Variants in ZSCAN30 observed in about 807,000 individuals in gnomAD.
The protein encoded by ZSCAN30 is zinc finger and SCAN domain-containing protein 30.
In ZSCAN30, 37 loss-of-function variants were observed where a neutral mutation model predicts 44.3. The ratio of observed to expected loss-of-function variants is 0.84; its 90% CI spans 0.64 to 1.10. The LOEUF (loss-of-function observed/expected upper bound fraction) is 1.10, where lower values mean the gene tolerates loss of function less well. Among genes scored for constraint, ZSCAN30 ranks in the 50% least tolerant of loss-of-function variants. The pLI is 0.00. For missense variants in ZSCAN30, 549 were observed against 582.6 expected (o/e 0.94, Z 0.59); for synonymous variants, 181 against 204.6 (o/e 0.88, Z 0.98).
At position 35,253,602 on chromosome 18, in the gene ZSCAN30, C is replaced by G. The variant is rs1480059840; in HGVS notation, c.1333G>C (p.Glu445Gln). The G allele has an allele frequency of 6.2e-7, 1 of 1,614,092 alleles. No individual in the cohort carries two copies. Among genetic ancestry groups the G allele is most frequent in the South Asian group, 1.1e-5 (1 of 91,072 alleles). Residue 445 changes from glutamate (E) to glutamine (Q), a missense_variant, in exon 4 of 4, where the codon GAA (glutamate) becomes CAA (glutamine). Transcript: ENST00000333206. ...CTCTGATTGAAGGATTTTCCACATTCATTACATTCATAAGGTTTCTCTCCA... is the reference window on the plus strand; with the variant it reads ...CTCTGATTGAAGGATTTTCCACATTGATTACATTCATAAGGTTTCTCTCCA... ...HTGEKPYECN[E>Q]CGKSFNQSSA...
chr18:35,271,715 C>T lies in ZSCAN30; in HGVS notation c.-103-7260G>A, dbSNP rs567627659. Among the ~76,000 whole-genome samples, 8 of 152,324 alleles carry T rather than the reference C, an allele frequency of 5.3e-5. No individual in the cohort carries two copies. The South Asian group carries it at 6.2e-4, about 12-fold the overall frequency. On this transcript the variant is annotated intron_variant, in intron 1 of 3. Transcript: ENST00000333206. Reference sequence around the variant, plus strand: ...CCACGGAGCAGGGGGCGGCACCCGCCGGGGAGGCTCCAGCTGCGTGGGAGC... The same window carrying T: ...CCACGGAGCAGGGGGCGGCACCCGCTGGGGAGGCTCCAGCTGCGTGGGAGC...
Position 35,253,721 on chromosome 18 carries a change from T to G in ZSCAN30, c.1214A>C (p.Lys405Thr). Residue 405 changes from lysine to threonine, a missense_variant, in exon 4 of 4, where the codon AAA becomes ACA. By Grantham distance (78) the Lys-to-Thr change is moderately conservative. Transcript: ENST00000333206. ...SRSSALIQHK[K>T]IHTGDKSYEC... ...ATAGCTTTTATCTCCAGTGTGAATT[T>G]TCTTATGCTGAATAAGGGCTGAGCT... The G allele has an allele frequency of 6.2e-7, 1 of 1,613,618 alleles. No homozygotes were observed. The highest frequency in any genetic ancestry group is 1.7e-5 in the Admixed American group (1 of 59,984).
chr18:35,257,165 G>A (rs1367193499), intron 3 of ZSCAN30: 2 of 152,250 alleles, frequency 1.3e-5, no homozygotes, highest in African/African-American at 4.8e-5. Context: ...AGTTCAGTGA[G>A]CAATTCCATC....
Position 35,261,728 on chromosome 18 carries a change from T to C in ZSCAN30, c.553+1785A>G, listed in dbSNP as rs564515330. The C allele has an allele frequency of 3.3e-5, 5 of 152,352 alleles. No individual in the cohort carries two copies. In the South Asian group the frequency reaches 6.2e-4, roughly 19 times the overall value. The allele number at this position is 152,352 out of a possible 1,614,324, so 9.4% of individuals were successfully genotyped here. On this transcript the variant is annotated intron_variant, in intron 3 of 3. Coordinates refer to ENST00000333206, the MANE Select transcript of ZSCAN30 (RefSeq NM_001112734.4). ...CTGTATATAGGAATGCTTATGATTT[T>C]TGCACATTAATTTTGTATCCTGAGA...
chr18:35,257,990 A>G (rs1464995958), intron 3 of ZSCAN30: 1 of 780,904 alleles, frequency 1.3e-6, no homozygotes, highest in African/African-American at 1.7e-5. Flanking sequence ...CTCAGGCGCT[A>G]CTTCTGGCAA....
At chr18:35,287,818 A>C (rs530119865) in intron 1 of ZSCAN30, among the ~76,000 whole-genome samples, 1 of 152,210 alleles carries the variant, frequency 6.6e-6, no homozygotes, top group South Asian at 2.1e-4. Flanking sequence ...AAAAAATATT[A>C]ACAGAAAGAA....
At chr18:35,284,720 G>T (rs890667850) in intron 1 of ZSCAN30, 8 of 154,968 alleles carry the variant, frequency 5.2e-5, no homozygotes, top group African/African-American at 1.9e-4. Flanking sequence ...AGATATCCAG[G>T]TTGGTCCGCA....
At chr18:35,265,082 C>T (rs2044119035) in intron 1 of ZSCAN30, among the ~76,000 whole-genome samples, 1 of 151,458 alleles carries the variant, frequency 6.6e-6, no homozygotes, top group Admixed American at 6.6e-5. Context: ...GGAGGGGGAG[C>T]TTGCAGTGAG....
intron 1 of ZSCAN30, among the ~76,000 whole-genome samples, chr18:35,272,164 C>A (rs997022914): frequency 3.3e-5 from 5 of 152,150 alleles, no homozygotes; most frequent in East Asian, 1.9e-4. Context: ...GGGCTGCTAG[C>A]CCGTTGTCAC....
At chr18:35,255,687 A>G (rs72959631) in intron 3 of ZSCAN30, 1 of 154,356 alleles carries the variant, frequency 6.5e-6, no homozygotes, top group Non-Finnish European at 1.5e-5. Context: ...AAACACAACA[A>G]TAAAGCACCA....
intron 1 of ZSCAN30, chr18:35,268,849 G>C (rs2044216690): frequency 6.6e-6 from 1 of 152,182 alleles, no homozygotes; most frequent in African/African-American, 2.4e-5. Context: ...GTAGTGGAAA[G>C]CTAATTTGTA....
chr18:35,259,542 A>G (rs2043963652), intron 3 of ZSCAN30: 1 of 153,228 alleles, frequency 6.5e-6, no homozygotes. Flanking sequence ...TTGTGTCCTA[A>G]TCTCCTCTTC....
rs1273405944 is a variant in ZSCAN30, at chr18:35,252,935, T to C, written c.*515A>G. On this transcript the variant is annotated 3_prime_UTR_variant, in exon 4 of 4. Transcript: ENST00000333206. ...GAATGAGGCACCATTCCTCAGGTAC[T>C]ATTTTACTGCCTCAGATATTATTAA... 1 of 153,122 alleles carries C rather than the reference T, an allele frequency of 6.5e-6. No individual in the cohort carries two copies. The highest frequency in any genetic ancestry group is 6.5e-5 in the Admixed American group (1 of 15,390). 9.5% of individuals were successfully genotyped at this position (153,122 alleles called of 1,614,324 possible).
chr18:35,265,733 C>T (rs1477092532), intron 1 of ZSCAN30, among the ~76,000 whole-genome samples: 2 of 152,140 alleles, frequency 1.3e-5, no homozygotes, highest in Admixed American at 6.5e-5. Context: ...TGCTAGATAG[C>T]GTACCAAAGA....
rs1197540179 is a variant in ZSCAN30, at chr18:35,252,761, T to C, written c.*689A>G. 1.3e-5 allele frequency: 2 copies of C among 152,212 alleles called. No individual in the cohort carries two copies. The highest frequency in any genetic ancestry group is 6.5e-5 in the Admixed American group (1 of 15,270). The allele number at this position is 152,212 out of a possible 1,614,324, so 9.4% of individuals were successfully genotyped here. A position where few individuals can be genotyped will look rare whatever the true frequency, so the allele number is the denominator to read the frequency against. On this transcript the variant is annotated 3_prime_UTR_variant, in exon 4 of 4. Transcript: ENST00000333206. ...TTTACTGTAATTACTGTTTAGTATA[T>C]ATGCATATCCTATTAGCCCTTAACT...
intron 1 of ZSCAN30, chr18:35,269,498 G>T (rs2044228312): frequency 6.8e-6 from 1 of 146,100 alleles, no homozygotes; most frequent in African/African-American, 2.5e-5. Flanking sequence ...GCAATAGAAA[G>T]AATAATATCT....
chr18:35,278,590 T>C (rs1282129889), intron 1 of ZSCAN30, among the ~76,000 whole-genome samples: 1 of 152,226 alleles, frequency 6.6e-6, no homozygotes, highest in African/African-American at 2.4e-5. Flanking sequence ...AAAACGTTTG[T>C]CCCAGTGCTG....
intron 1 of ZSCAN30, chr18:35,282,704 T>C (rs2044480171): frequency 6.6e-6 from 1 of 152,212 alleles, no homozygotes; most frequent in Non-Finnish European, 1.5e-5. Context: ...TCCTGGCCTA[T>C]GTATGTGTGT....
At position 35,256,970 on chromosome 18, in the gene ZSCAN30, C is replaced by G. The variant is rs1329840276; in HGVS notation, c.554-2589G>C. 1.0e-4 allele frequency: 16 copies of G among 153,840 alleles called. No individual in the cohort carries two copies. In the Admixed American group the frequency reaches 1.0e-3, roughly 10 times the overall value. 9.5% of individuals were successfully genotyped at this position (153,840 alleles called of 1,614,324 possible). A position where few individuals can be genotyped will look rare whatever the true frequency, so the allele number is the denominator to read the frequency against. ...AAAATTTTTTTTGTAGACACGGGGT[C>G]TTGCCATGTTGCCCAGACTGGTCTT... is the stretch of plus-strand genomic sequence containing the variant. On this transcript the variant is annotated intron_variant, in intron 3 of 3. Coordinates refer to ENST00000333206, the MANE Select transcript of ZSCAN30 (RefSeq NM_001112734.4).
Sources: allele counts gnomAD v4.1 joint callset (sites outside exome capture counted in the v4.1 genomes callset), GRCh38; gene constraint gnomAD v4.1.1; transcripts MANE v1.5; gene names NCBI Gene and HGNC (gene_info 2026-07-23, HGNC 2026-07-21).